The following RGS7 variants were observed in gnomAD, a reference collection of about 807,000 sequenced individuals.
The protein encoded by RGS7 is regulator of G-protein signaling 7.
In RGS7, 27 loss-of-function variants were observed where a neutral mutation model predicts 81.1. The observed-to-expected ratio is 0.33, with a 90% CI of 0.25 to 0.46. RGS7 has a LOEUF of 0.46. RGS7 is among the 20% of genes least tolerant of loss of function. The pLI is 1.00. For synonymous variants in RGS7, 208 were observed against 207.7 expected (o/e 1.00, Z -0.01); for missense variants, 396 against 607.4 (o/e 0.65, Z 3.66).
At chr1:241,031,445 C>T (rs1230867428) in intron 3 of RGS7, among the ~76,000 whole-genome samples, 4 of 152,106 alleles carry the variant, frequency 2.6e-5, no homozygotes, top group Non-Finnish European at 5.9e-5. Flanking sequence ...CATACAAGTG[C>T]AGGTATCGTT....
At chr1:240,952,780 C>G (rs1276075188) in intron 4 of RGS7, among the ~76,000 whole-genome samples, 1 of 151,624 alleles carries the variant, frequency 6.6e-6, no homozygotes, top group Non-Finnish European at 1.5e-5. Flanking sequence ...AAAGACCTGA[C>G]TATACATGTA....
chr1:240,847,680 G>A (rs936143377), intron 9 of RGS7, among the ~76,000 whole-genome samples: 1 of 152,280 alleles, frequency 6.6e-6, no homozygotes, highest in South Asian at 2.1e-4. Flanking sequence ...AATTTTGCAT[G>A]AGACTTTTCG....
At chr1:241,274,978 C>T (rs116503561) in intron 2 of RGS7, among the ~76,000 whole-genome samples, 2 of 152,310 alleles carry the variant, frequency 1.3e-5, no homozygotes, top group Non-Finnish European at 2.9e-5. Flanking sequence ...GTAGAGTAAA[C>T]ATGATTCTAT....
intron 2 of RGS7, among the ~76,000 whole-genome samples, chr1:241,340,395 T>C (rs2082475104): frequency 6.6e-6 from 1 of 152,080 alleles, no homozygotes; most frequent in Non-Finnish European, 1.5e-5. Context: ...AATAAAAGGA[T>C]GGGGAGACTA....
Position 241,264,824 on chromosome 1 carries a change from T to C in RGS7, c.78+90875A>G, listed in dbSNP as rs115966473. ...ATAAACACACCAACAGGTCAGGAGA[T>C]AGAGGGAGGACCTGTGGTATGAAGG... On this transcript the variant is annotated intron_variant, in intron 2 of 18. Coordinates refer to ENST00000440928, the MANE Select transcript of RGS7 (RefSeq NM_001364886.1). Among the ~76,000 whole-genome samples the C allele has an allele frequency of 3.5e-4, 54 of 152,246 alleles. 1 individual carries two copies. In the Middle Eastern group the frequency reaches 0.01, roughly 29 times the overall value.
chr1:240,943,715 A>G (rs1158534372), intron 4 of RGS7, among the ~76,000 whole-genome samples: 2 of 152,192 alleles, frequency 1.3e-5, no homozygotes, highest in African/African-American at 4.8e-5. Context: ...AACTTATTAT[A>G]TATCACAGGG....
chr1:240,992,862 AAT>A (rs1553378444), intron 3 of RGS7, among the ~76,000 whole-genome samples: 28 of 149,086 alleles, frequency 1.9e-4, no homozygotes, highest in Non-Finnish European at 1.8e-4. Flanking sequence ...AAAAAAAAAA[AAT>A]ATTAGCCGGG....
chr1:240,940,844 A>T (rs1421677923), intron 4 of RGS7, among the ~76,000 whole-genome samples: 1 of 152,220 alleles, frequency 6.6e-6, no homozygotes, highest in East Asian at 1.9e-4. Context: ...TGACTCCTGC[A>T]TCTCATTAAC....
Position 240,812,081 on chromosome 1 carries a change from A to T in RGS7, c.957-38T>A, listed in dbSNP as rs778559838. The T allele has an allele frequency of 1.9e-6, 3 of 1,612,928 alleles. No homozygotes were observed. In the South Asian group the frequency reaches 3.3e-5, roughly 18 times the overall value. ...AAACAAAGGCAAATACATTCCTTTCATTAGAATTCCCATTTTTTTGTTATT... is the reference window on the plus strand; with the variant it reads ...AAACAAAGGCAAATACATTCCTTTCTTTAGAATTCCCATTTTTTTGTTATT... On this transcript the variant is annotated intron_variant, in intron 13 of 18. Transcript: ENST00000440928.
At chr1:240,965,943 C>T (rs1256101400) in intron 4 of RGS7, among the ~76,000 whole-genome samples, 1 of 152,092 alleles carries the variant, frequency 6.6e-6, no homozygotes, top group Non-Finnish European at 1.5e-5. Context: ...CCAATGTTCA[C>T]GAAAAGGCAA....
chr1:240,819,522 T>A (rs1276587722), intron 10 of RGS7, among the ~76,000 whole-genome samples: 1 of 152,120 alleles, frequency 6.6e-6, no homozygotes, highest in Non-Finnish European at 1.5e-5. Context: ...AGGCATATCA[T>A]GAGATCAGGA....
chr1:241,158,827 T>A (rs2069390000), intron 2 of RGS7, among the ~76,000 whole-genome samples: 1 of 152,168 alleles, frequency 6.6e-6, no homozygotes, highest in Non-Finnish European at 1.5e-5. Flanking sequence ...AGATTAGAAA[T>A]GTGATTTTCA....
At chr1:241,312,177 T>C (rs1470044920) in intron 2 of RGS7, among the ~76,000 whole-genome samples, 1 of 152,224 alleles carries the variant, frequency 6.6e-6, no homozygotes, top group Non-Finnish European at 1.5e-5. Context: ...TAAATATTTA[T>C]TGCACATTTG....
At chr1:241,338,078 T>C (rs1019286221) in intron 2 of RGS7, among the ~76,000 whole-genome samples, 2 of 152,194 alleles carry the variant, frequency 1.3e-5, no homozygotes, top group African/African-American at 4.8e-5. Flanking sequence ...ACATGCATTA[T>C]GTGATGGCAA....
In RGS7 at chr1:241,271,904, TG is replaced by T. The variant is rs2077922019; in HGVS notation, c.78+83794del. On this transcript the variant is annotated intron_variant, in intron 2 of 18. Transcript: ENST00000440928. This position sits in a 1 kb window ranked among gnomAD's most constrained non-coding sequence, Gnocchi z 4.6. Reference sequence around the variant, plus strand: ...TATAACGTGTGTGTGTGTGTGTGTGTGTGTGTGTGTGTGTGTGTGTGTGTGT... The same window carrying T: ...TATAACGTGTGTGTGTGTGTGTGTGTTGTGTGTGTGTGTGTGTGTGTGTGT... Among the ~76,000 whole-genome samples, 1 of 151,132 alleles carries T rather than the reference TG, an allele frequency of 6.6e-6. No homozygotes were observed. Among genetic ancestry groups the T allele is most frequent in the Non-Finnish European group, 1.5e-5 (1 of 67,746 alleles).
intron 9 of RGS7, among the ~76,000 whole-genome samples, chr1:240,840,792 G>C (rs890025669): frequency 1.3e-5 from 2 of 152,172 alleles, no homozygotes; most frequent in African/African-American, 2.4e-5. Flanking sequence ...CCTATGTCTT[G>C]TTTAGTATCT....
At position 241,122,545 on chromosome 1, in the gene RGS7, CT is replaced by C. The variant is rs535792790; in HGVS notation, c.79-23784del. Among the ~76,000 whole-genome samples the C allele has an allele frequency of 2.5e-3, 379 of 151,858 alleles. 1 individual carries two copies. The highest frequency in any genetic ancestry group is 8.9e-3 in the African/African-American group (368 of 41,400). ...GGCACGGTGGTGCATGCCTGTAACC[CT>C]AGCTACTTGGGAGGCTGACGCAGGA... On this transcript the variant is annotated intron_variant, in intron 2 of 18. Transcript: ENST00000440928.
At chr1:241,174,895 G>GTTTTTTTTTTTTTTTTTTT (rs551122102) in intron 2 of RGS7, among the ~76,000 whole-genome samples, 1 of 69,230 alleles carries the variant, frequency 1.4e-5, no homozygotes, top group African/African-American at 6.0e-5. Flanking sequence ...ACAGAATTTT[G>GTTTTTTTTTTTTTTTTTTT]TTTTTTTTTT....
intron 10 of RGS7, among the ~76,000 whole-genome samples, chr1:240,821,965 A>G (rs1353344256): frequency 6.6e-6 from 1 of 152,218 alleles, no homozygotes; most frequent in African/African-American, 2.4e-5. Flanking sequence ...ATTGTCCTAC[A>G]GAAGGATACA....
Sources: allele counts gnomAD v4.1 joint callset (sites outside exome capture counted in the v4.1 genomes callset), GRCh38; gene constraint gnomAD v4.1.1; non-coding constraint Gnocchi (gnomAD v3.1); transcripts MANE v1.5; gene names NCBI Gene and HGNC (gene_info 2026-07-23, HGNC 2026-07-21).